Variants in ADSL observed in about 807,000 individuals in gnomAD.
The protein encoded by ADSL is adenylosuccinate lyase, also known as adenylosuccinase.
In ADSL, 44 loss-of-function variants were observed where a neutral mutation model predicts 62.1. The observed-to-expected ratio is 0.71, with a 90% CI of 0.56 to 0.91. The LOEUF (loss-of-function observed/expected upper bound fraction) is 0.91, where lower values mean the gene tolerates loss of function less well. Ranked by LOEUF, ADSL falls within the 40% of genes least tolerant of loss-of-function variation. ADSL has a pLI of 0.00. For missense variants in ADSL, 531 were observed against 627.4 expected, an observed-to-expected ratio of 0.85 and a Z score of 1.64; for synonymous variants, 198 against 220.5, an observed-to-expected ratio of 0.90 and a Z score of 0.90.
At position 40,360,419 on chromosome 22, in the gene ADSL, G is replaced by C. The variant is rs754574998; in HGVS notation, c.719G>C (p.Gly240Ala). 4 of 1,613,474 alleles carry C rather than the reference G, an allele frequency of 2.5e-6. No homozygotes were observed. The South Asian group carries it at 4.4e-5, about 18-fold the overall frequency. The part of the protein sequence containing the change: ...AGFKRAFIIT[G>A]QTYTRKVDIE... ...ATTCCTAGAGCTTTCATCATCACAGGGCAGACATATACACGAAAAGTGGAT... is the reference window on the plus strand; with the variant it reads ...ATTCCTAGAGCTTTCATCATCACAGCGCAGACATATACACGAAAAGTGGAT... Residue 240 changes from glycine to alanine, a missense_variant, in exon 7 of 13, where the codon GGG (glycine) becomes GCG (alanine). By Grantham distance (60) the Gly-to-Ala change is moderately conservative (BLOSUM62 0). Transcript: ENST00000623063.
chr22:40,363,461 C>T (rs920149005), intron 10 of ADSL, among the ~76,000 whole-genome samples: 1 of 152,048 alleles, frequency 6.6e-6, no homozygotes, highest in African/African-American at 2.4e-5. Flanking sequence ...TCAGGCCAGG[C>T]GTGGTGGCTC....
chr22:40,348,745 C>T (rs1412651832), intron 1 of ADSL: 25 of 396,306 alleles, frequency 6.3e-5, no homozygotes. Context: ...TGGCTAGTAG[C>T]TCCTTTCTTG....
chr22:40,375,229 G>T (rs1040600659), intron 2 of ADSL, among the ~76,000 whole-genome samples: 3 of 152,118 alleles, frequency 2.0e-5, no homozygotes, highest in East Asian at 3.8e-4. Context: ...GTTTTGGGAG[G>T]TTAACTGCTT....
chr22:40,357,416 G>A (rs1388245080), intron 4 of ADSL, among the ~76,000 whole-genome samples: 1 of 151,772 alleles, frequency 6.6e-6, no homozygotes, highest in Non-Finnish European at 1.5e-5. Flanking sequence ...ACCACGCCTG[G>A]CTAATTTTGT....
rs766465184 is a variant in ADSL at position 40,346,598 on chromosome 22, C to T, written c.40C>T (p.Arg14Cys). Reference protein sequence around the residue: ...GGDHGSPDSYRSPLASRYASP... With the variant: ...GGDHGSPDSYCSPLASRYASP... ...CGATCATGGTTCGCCCGACAGCTAC[C>T]GCTCACCTCTTGCCTCCCGCTATGC... is the stretch of plus-strand genomic sequence containing the variant. The change falls in exon 1 of 13, where the codon CGC (arginine) becomes TGC (cysteine). Residue 14 changes from arginine (R) to cysteine (C), a missense_variant. Transcript: ENST00000623063. 1.1e-4 allele frequency: 173 copies of T among 1,607,696 alleles called. No homozygotes were observed. Among genetic ancestry groups the T allele is most frequent in the Non-Finnish European group, 1.4e-4 (161 of 1,177,626 alleles).
chr22:40,380,440 C>T (rs2047383218), intron 2 of ADSL, among the ~76,000 whole-genome samples: 2 of 150,182 alleles, frequency 1.3e-5, no homozygotes, highest in South Asian at 2.1e-4. Flanking sequence ...TATCTCAGCT[C>T]ACTGTAACCT....
intron 12 of ADSL, 66 bp downstream of exon 12, chr22:40,365,122 T>C (rs1393437995): frequency 1.6e-5 from 25 of 1,532,386 alleles, no homozygotes; most frequent in Non-Finnish European, 2.0e-5. Flanking sequence ...TTGATGTTTT[T>C]GCTTTATAGG....
chr22:40,373,989 C>T (rs1310357561), downstream of ADSL, among the ~76,000 whole-genome samples: 1 of 150,498 alleles, frequency 6.6e-6, no homozygotes, highest in African/African-American at 2.5e-5. Flanking sequence ...CCCTCTGTCG[C>T]CCAGGCTTGA....
chr22:40,353,106 C>T lies in ADSL; in HGVS notation c.391C>T (p.Leu131Phe). 1 of 1,613,898 alleles carries T rather than the reference C, an allele frequency of 6.2e-7. No individual in the cohort carries two copies. Among genetic ancestry groups the T allele is most frequent in the Non-Finnish European group, 8.5e-7 (1 of 1,179,774 alleles). ...LIILRNALDLLLPKLARVISR... is the reference protein window; with the variant it reads ...LIILRNALDLFLPKLARVISR... ...TATTCTTAGAAATGCACTTGACCTG[C>T]TTTTGCCAAAGGTAAGGAGTTGGCA... Residue 131 changes from leucine to phenylalanine, a missense_variant, in exon 3 of 13, where the codon CTT becomes TTT. Physicochemically the swap from Leu to Phe is conservative, Grantham distance 22 (BLOSUM62 0). Transcript: ENST00000623063.
At position 40,385,733 on chromosome 22, in the gene ADSL, TATG is replaced by T. The variant is rs745873148; in HGVS notation, c.90-4492_90-4490del. 3.9e-5 allele frequency among the ~76,000 whole-genome samples: 6 copies of T among 152,238 alleles called. No homozygotes were observed. The East Asian group carries it at 7.7e-4, about 20-fold the overall frequency. ...GATTTGAAAGTATCGCTGAAGGAAA[TATG>T]ATGAAAAGTCAACTAGAGATGAATG... is the stretch of plus-strand genomic sequence containing the variant. On this transcript the variant is annotated intron_variant, in intron 2 of 2. Coordinates refer to the ADSL transcript ENST00000498234.
In ADSL at chr22:40,365,691, G is replaced by C. The variant is rs1424436071; in HGVS notation, c.1368+635G>C. 2.0e-5 allele frequency among the ~76,000 whole-genome samples: 3 copies of C among 151,910 alleles called. No homozygotes were observed. The East Asian group carries it at 5.8e-4, about 29-fold the overall frequency. On this transcript the variant is annotated intron_variant, in intron 12 of 12. Coordinates refer to ENST00000623063, the MANE Select transcript of ADSL (RefSeq NM_000026.4). ...TCAAGAACATCCTGGGCAACATGGT[G>C]AAACCTTGTCTCTACAAAAAAATAC...
In ADSL at chr22:40,364,356, T is replaced by C. The variant is rs752125280; in HGVS notation, c.1182T>C (p.Gly394=). The C allele has an allele frequency of 6.2e-7, 1 of 1,613,660 alleles. No homozygotes were observed. Among genetic ancestry groups the C allele is most frequent in the Non-Finnish European group, 8.5e-7 (1 of 1,179,844 alleles). The stretch of plus-strand genomic sequence containing the variant: ...TCATGGCCATGGTCAAAGCTGGAGG[T>C]AGCCGCCAGGTTTGTAACCCCTCAT... ...NIIMAMVKAG[G]SRQDCHEKIR... Residue 394 remains glycine, a synonymous_variant, in exon 11 of 13, where the codon GGT becomes GGC. Coordinates refer to ENST00000623063, the MANE Select transcript of ADSL (RefSeq NM_000026.4).
intron 4 of ADSL, 99 bp from the exon 5 acceptor site, chr22:40,358,765 C>A: frequency 8.8e-7 from 1 of 1,131,150 alleles, no homozygotes; most frequent in African/African-American, 1.5e-5. Flanking sequence ...AAATTGTTCT[C>A]CCTCCAAGGG....
At chr22:40,351,579 T>C (rs1222992797) in intron 2 of ADSL, among the ~76,000 whole-genome samples, 3 of 152,166 alleles carry the variant, frequency 2.0e-5, no homozygotes, top group Non-Finnish European at 4.4e-5. Context: ...AGTCCTGGGA[T>C]TACAGGAGTG....
chr22:40,372,796 T>A (rs1279365178), downstream of ADSL: 1 of 152,210 alleles, frequency 6.6e-6, no homozygotes, highest in Non-Finnish European at 1.5e-5. Context: ...AGTTTTTCTC[T>A]TCTTAGTTCT....
At chr22:40,372,144 T>TTTTTTGG (rs2045675278), downstream of ADSL, among the ~76,000 whole-genome samples, 1 of 105,746 alleles carries the variant, frequency 9.5e-6, no homozygotes. Flanking sequence ...TTTTTTTTTT[T>TTTTTTGG]GAGACGGAGT....
chr22:40,349,298 GT>G (rs2044257320), intron 1 of ADSL, among the ~76,000 whole-genome samples: 1 of 151,960 alleles, frequency 6.6e-6, no homozygotes, highest in African/African-American at 2.4e-5. Context: ...GTGTGAGGGA[GT>G]GAACCAAGCA....
In ADSL at chr22:40,354,230, A is replaced by G; in HGVS notation, c.403-18A>G. The stretch of plus-strand genomic sequence containing the variant: ...AACCTGAATTCAACCTCTTTCTATC[A>G]CATGATCTTTCTTGTAGCTTGCCAG... On this transcript the variant is annotated intron_variant, in intron 3 of 12. Coordinates refer to ENST00000623063, the MANE Select transcript of ADSL (RefSeq NM_000026.4). 6.2e-7 allele frequency: 1 copy of G among 1,611,454 alleles called. No homozygotes were observed. The highest frequency in any genetic ancestry group is 2.2e-5 in the East Asian group (1 of 44,864).
downstream of ADSL, among the ~76,000 whole-genome samples, chr22:40,372,188 G>A (rs1245778627): frequency 1.6e-5 from 2 of 125,888 alleles, no homozygotes; most frequent in Non-Finnish European, 3.2e-5. Flanking sequence ...GTGCAGTGGC[G>A]CGATCTCGGC....
Sources: gnomAD v4.1 joint callset for allele counts (sites outside exome capture counted in the v4.1 genomes callset) on GRCh38, gnomAD v4.1.1 for gene constraint, MANE v1.5 for transcripts, NCBI Gene and HGNC (gene_info 2026-07-23, HGNC 2026-07-21) for gene names.